Variants in TESC observed in about 807,000 individuals in gnomAD.
TESC encodes the protein calcineurin B homologous protein 3.
A neutral mutation model predicts 31.0 loss-of-function variants in TESC; 19 were observed. The observed-to-expected ratio is 0.61, with a 90% CI of 0.43 to 0.90. The LOEUF is 0.90. TESC is among the 40% of genes least tolerant of loss of function. TESC has a pLI of 0.00. For synonymous variants in TESC, 109 were observed against 114.8 expected (o/e 0.95, Z 0.32); for missense variants, 248 against 303.8 (o/e 0.82, Z 1.36).
intron 3 of TESC, among the ~76,000 whole-genome samples, chr12:117,049,892 C>A (rs1257758667): frequency 2.2e-5 from 3 of 135,152 alleles, no homozygotes; most frequent in Admixed American, 7.4e-5. Context: ...CAGAGGGAGA[C>A]CCTGTCTCAA....
rs1593000777 is a variant in TESC at position 117,056,679 on chromosome 12, C to A, written c.209+127G>T. 8 of 999,380 alleles carry A rather than the reference C, an allele frequency of 8.0e-6. No individual in the cohort carries two copies. The East Asian group carries it at 1.5e-4, about 18-fold the overall frequency. The allele number at this position is 999,380 out of a possible 1,614,324, so 61.9% of individuals were successfully genotyped here. On this transcript the variant is annotated intron_variant, in intron 3 of 7. Coordinates refer to ENST00000335209, the MANE Select transcript of TESC (RefSeq NM_017899.4). ...TCCAACCCCAAACCTATGCTCATAACCCCTACCCAGCTTGGCCCCCTCTTC... is the reference window on the plus strand; with the variant it reads ...TCCAACCCCAAACCTATGCTCATAAACCCTACCCAGCTTGGCCCCCTCTTC...
intron 1 of TESC, among the ~76,000 whole-genome samples, chr12:117,093,393 G>A (rs1199426693): frequency 1.3e-5 from 2 of 152,254 alleles, no homozygotes; most frequent in Non-Finnish European, 2.9e-5. Flanking sequence ...TTCTCCAAAT[G>A]AGATTAGACC....
chr12:117,077,358 A>AT (rs1393596383), intron 1 of TESC, among the ~76,000 whole-genome samples: 1 of 152,224 alleles, frequency 6.6e-6, no homozygotes, highest in Non-Finnish European at 1.5e-5. Context: ...AAATATGGCC[A>AT]TTTAGATCAT....
chr12:117,046,716 C>T (rs1233734390), intron 5 of TESC, 50 bp from the exon 6 acceptor site: 3 of 1,552,556 alleles, frequency 1.9e-6, no homozygotes, highest in East Asian at 2.4e-5. Context: ...CCATCAGGGT[C>T]GTGGGGGGCA....
chr12:117,084,869 T>G (rs1173142547), intron 1 of TESC, among the ~76,000 whole-genome samples: 1 of 151,898 alleles, frequency 6.6e-6, no homozygotes, highest in Non-Finnish European at 1.5e-5. Flanking sequence ...CCCCCAGGAG[T>G]GTGTGGGCCC....
At chr12:117,082,478 G>C (rs1234888385) in intron 1 of TESC, among the ~76,000 whole-genome samples, 1 of 151,678 alleles carries the variant, frequency 6.6e-6, no homozygotes, top group Non-Finnish European at 1.5e-5. Flanking sequence ...CTCCAGCCGG[G>C]GGGACAAGAG....
In TESC at chr12:117,039,130, G is replaced by T; in HGVS notation, c.*3C>A. 1 of 1,613,912 alleles carries T rather than the reference G, an allele frequency of 6.2e-7. No homozygotes were observed. Among genetic ancestry groups the T allele is most frequent in the Non-Finnish European group, 8.5e-7 (1 of 1,179,910 alleles). ...GCAGTTTCTCCGCGGAGGTGGCGGT[G>T]GGTCAGTGGCAGAGGGCCATGGTTT... On this transcript the variant is annotated 3_prime_UTR_variant, in exon 8 of 8. Transcript: ENST00000335209.
chr12:117,085,153 A>T (rs1955202211), intron 1 of TESC, among the ~76,000 whole-genome samples: 1 of 152,162 alleles, frequency 6.6e-6, no homozygotes, highest in African/African-American at 2.4e-5. Flanking sequence ...GGGCTGGCAG[A>T]AGGCATAGCC....
intron 2 of TESC, among the ~76,000 whole-genome samples, chr12:117,064,130 T>C (rs780748736): frequency 1.3e-5 from 2 of 152,036 alleles, no homozygotes; most frequent in African/African-American, 2.4e-5. Context: ...TTTCCCAAGC[T>C]AGTCCTGAAC....
rs577944025 is a variant in TESC at position 117,099,350 on chromosome 12, C to G, written c.-68G>C. 1 of 1,337,790 alleles carries G rather than the reference C, an allele frequency of 7.5e-7. No homozygotes were observed. Among genetic ancestry groups the G allele is most frequent in the Admixed American group, 3.7e-5 (1 of 27,026 alleles). The allele number at this position is 1,337,790 out of a possible 1,614,324, so 82.9% of individuals were successfully genotyped here. On this transcript the variant is annotated 5_prime_UTR_variant, in exon 1 of 8. Coordinates refer to ENST00000335209, the MANE Select transcript of TESC (RefSeq NM_017899.4). ...CCCCGCACTGGCTTCGGCTGCGCAG[C>G]GGCGGGACTGGCCTCGGGTCCGGCC...
rs1183668605 is a variant in TESC at position 117,075,709 on chromosome 12, T to G, written c.59-369A>C. On this transcript the variant is annotated intron_variant, in intron 1 of 7. Transcript: ENST00000335209. ...TTCACTTCCATCACTCAGGCTGGAG[T>G]ACACTGGCACGACCTCGGCATCTCA... is the stretch of plus-strand genomic sequence containing the variant. 4.0e-5 allele frequency among the ~76,000 whole-genome samples: 6 copies of G among 150,674 alleles called. No homozygotes were observed. In the South Asian group the frequency reaches 1.3e-3, roughly 32 times the overall value.
chr12:117,064,918 C>T (rs1218670137), intron 2 of TESC, among the ~76,000 whole-genome samples: 1 of 152,240 alleles, frequency 6.6e-6, no homozygotes, highest in African/African-American at 2.4e-5. Flanking sequence ...CATCCAGCCC[C>T]AGAGCCCAGG....
chr12:117,088,110 T>C (rs894545925), intron 1 of TESC, among the ~76,000 whole-genome samples: 3 of 152,198 alleles, frequency 2.0e-5, no homozygotes, highest in African/African-American at 7.2e-5. Context: ...TAGATTCTAT[T>C]TGCATAGCCA....
rs1435681467 is a variant in TESC, at chr12:117,046,606, C to T, written c.472G>A (p.Ala158Thr). ...HIEKESARSI[A>T]DGAMMEAASV... ...GCCGCCTCCATCATGGCCCCGTCGG[C>T]GATGGAGCGAGCGGACTCCTTCTCG... The change falls in exon 6 of 8, where the codon GCC (alanine) becomes ACC (threonine). Residue 158 changes from alanine to threonine, a missense_variant. Ala to Thr is a moderately conservative substitution (Grantham distance 58). Coordinates refer to ENST00000335209, the MANE Select transcript of TESC (RefSeq NM_017899.4). 7 of 1,551,396 alleles carry T rather than the reference C, an allele frequency of 4.5e-6. No individual in the cohort carries two copies. In the Admixed American group the frequency reaches 5.9e-5, roughly 13 times the overall value.
intron 1 of TESC, among the ~76,000 whole-genome samples, chr12:117,092,504 C>T (rs1955326788): frequency 1.3e-5 from 2 of 152,206 alleles, no homozygotes; most frequent in Non-Finnish European, 2.9e-5. Context: ...GGCCTGGAAG[C>T]CCCCATCCAG....
chr12:117,062,164 A>C (rs1006174077), intron 2 of TESC, among the ~76,000 whole-genome samples: 2 of 152,156 alleles, frequency 1.3e-5, no homozygotes, highest in East Asian at 3.8e-4. Context: ...AGAGCTTTAC[A>C]TTATTACATA....
At chr12:117,064,770 G>A (rs538173662) in intron 2 of TESC, among the ~76,000 whole-genome samples, 16 of 152,312 alleles carry the variant, frequency 1.1e-4, no homozygotes, top group African/African-American at 3.1e-4. Flanking sequence ...TGACATTTGA[G>A]CAGAGACCTG....
chr12:117,045,886 G>C (rs1280398871), intron 6 of TESC, among the ~76,000 whole-genome samples: 1 of 152,236 alleles, frequency 6.6e-6, no homozygotes, highest in African/African-American at 2.4e-5. Flanking sequence ...GAGCCTTAGG[G>C]CTGGGGGCTG....
intron 2 of TESC, among the ~76,000 whole-genome samples, chr12:117,058,608 G>T (rs942873984): frequency 6.7e-6 from 1 of 149,658 alleles, no homozygotes; most frequent in Non-Finnish European, 1.5e-5. Context: ...GATGGCATGC[G>T]CCTGTAGTCC....
Sources: allele counts gnomAD v4.1 joint callset (sites outside exome capture counted in the v4.1 genomes callset), GRCh38; gene constraint gnomAD v4.1.1; transcripts MANE v1.5; gene names NCBI Gene and HGNC (gene_info 2026-07-23, HGNC 2026-07-21).